Variants in GSTA3 observed in about 807,000 individuals in gnomAD.
The protein encoded by GSTA3 is glutathione S-transferase A3.
A neutral mutation model predicts 23.1 loss-of-function variants in GSTA3; 16 were observed. The observed-to-expected ratio is 0.69, with a 90% CI of 0.47 to 1.05. The LOEUF (loss-of-function observed/expected upper bound fraction) is 1.05, where lower values mean the gene tolerates loss of function less well. Among genes scored for constraint, GSTA3 ranks in the 50% least tolerant of loss-of-function variants. The pLI is 0.00. For missense variants in GSTA3, 319 were observed against 263.6 expected, an observed-to-expected ratio of 1.21 and a Z score of -1.46; for synonymous variants, 122 against 91.0, an observed-to-expected ratio of 1.34 and a Z score of -1.94.
At chr6:52,903,139 C>A (rs1004784355) in intron 3 of GSTA3, among the ~76,000 whole-genome samples, 2 of 152,084 alleles carry the variant, frequency 1.3e-5, no homozygotes, top group Admixed American at 1.3e-4. Flanking sequence ...GGGGATGGTT[C>A]CTCTAGCAGA....
At chr6:52,900,713 G>A (rs1012011113) in intron 4 of GSTA3, among the ~76,000 whole-genome samples, 7 of 152,292 alleles carry the variant, frequency 4.6e-5, no homozygotes, top group East Asian at 1.9e-4. Flanking sequence ...AGTACCCACC[G>A]ATGCTGTGCC....
rs765942843 is a variant in GSTA3, at chr6:52,902,493, A to G, written c.140-15T>C. 1.5e-4 allele frequency: 230 copies of G among 1,583,408 alleles called. No individual in the cohort carries two copies. Among genetic ancestry groups the G allele is most frequent in the Non-Finnish European group, 1.6e-4 (192 of 1,164,016 alleles). ...CAAACTCCCATCTTTAGAAAGAAGG[A>G]AAAAAAAGGAACATGAAATTTCTAT... On this transcript the variant is annotated splice_polypyrimidine_tract_variant and intron_variant, in intron 3 of 6. Coordinates refer to ENST00000211122, the MANE Select transcript of GSTA3 (RefSeq NM_000847.5).
At chr6:52,904,341 G>C (rs1439600013) in intron 2 of GSTA3, among the ~76,000 whole-genome samples, 1 of 152,096 alleles carries the variant, frequency 6.6e-6, no homozygotes, top group Non-Finnish European at 1.5e-5. Context: ...TCCATGATTA[G>C]GGAGGGAACG....
At chr6:52,906,680 T>A (rs1395280854) in intron 1 of GSTA3, among the ~76,000 whole-genome samples, 1 of 151,880 alleles carries the variant, frequency 6.6e-6, no homozygotes, top group African/African-American at 2.4e-5. Flanking sequence ...CTATCTGATC[T>A]TTGACAAACC....
At chr6:52,909,116 T>A (rs1765986937) in intron 1 of GSTA3, among the ~76,000 whole-genome samples, 2 of 152,204 alleles carry the variant, frequency 1.3e-5, no homozygotes, top group Non-Finnish European at 2.9e-5. Flanking sequence ...GAAGTGTAAA[T>A]TTAGATCCTG....
chr6:52,904,118 C>G (rs921297113), intron 2 of GSTA3, among the ~76,000 whole-genome samples: 2 of 152,126 alleles, frequency 1.3e-5, no homozygotes, highest in African/African-American at 4.8e-5. Flanking sequence ...ACCTGAGTAG[C>G]TGGGACTATA....
chr6:52,896,966 G>T, intron 6 of GSTA3, 38 bp from the exon 7 acceptor site: 3 of 1,611,548 alleles, frequency 1.9e-6, no homozygotes, highest in Non-Finnish European at 2.5e-6. Flanking sequence ...GTGAAGCCAA[G>T]GTCTGCCACC....
intron 4 of GSTA3, among the ~76,000 whole-genome samples, chr6:52,901,231 T>G (rs1043392155): frequency 5.3e-5 from 8 of 152,230 alleles, no homozygotes; most frequent in African/African-American, 1.7e-4. Context: ...TTCTAGAATA[T>G]TTTTATCACC....
rs200730672 is a variant in GSTA3, at chr6:52,897,992, C to T, written c.415-36G>A. The T allele has an allele frequency of 9.8e-5, 158 of 1,612,324 alleles. 1 individual carries two copies. In the South Asian group the frequency reaches 1.4e-3, roughly 14 times the overall value. Reference sequence around the variant, plus strand: ...TGAGGAATCAGATCAGGAATACATGCGCACCCAGGATGGGACCCCTGCTTC... The same window carrying T: ...TGAGGAATCAGATCAGGAATACATGTGCACCCAGGATGGGACCCCTGCTTC... On this transcript the variant is annotated intron_variant, in intron 5 of 6. Coordinates refer to ENST00000211122, the MANE Select transcript of GSTA3 (RefSeq NM_000847.5).
intron 4 of GSTA3, among the ~76,000 whole-genome samples, chr6:52,902,045 G>T (rs1381251768): frequency 1.3e-5 from 2 of 152,158 alleles, no homozygotes; most frequent in African/African-American, 2.4e-5. Context: ...CTGAAGGCTT[G>T]AGCACCTGGA....
intron 6 of GSTA3, among the ~76,000 whole-genome samples, chr6:52,897,272 T>C (rs1369412863): frequency 6.6e-6 from 1 of 152,086 alleles, no homozygotes; most frequent in Non-Finnish European, 1.5e-5. Flanking sequence ...GAAGTGAAAA[T>C]ATGGAGAAAT....
chr6:52,903,792 T>A (rs1765785872), intron 2 of GSTA3, 65 bp from the exon 3 acceptor site: 10 of 886,638 alleles, frequency 1.1e-5, no homozygotes, highest in Non-Finnish European at 7.5e-6. Flanking sequence ...ACTTGTGACC[T>A]TGAATGGCCT....
At position 52,900,030 on chromosome 6, in the gene GSTA3, G is replaced by A. The variant is rs769895834; in HGVS notation, c.318C>T (p.Ile106=). ...TEGMADLNEM[I]LLLPLCRPEE... The stretch of plus-strand genomic sequence containing the variant: ...CAGGTCGACATAAGGGCAGAAGAAG[G>A]ATCATTTCATTCAAATCTGCCATAC... Residue 106 remains isoleucine (I), a synonymous_variant, in exon 5 of 7, where the codon ATC becomes ATT. Transcript: ENST00000211122. 3.1e-6 allele frequency: 5 copies of A among 1,612,486 alleles called. No homozygotes were observed. Among genetic ancestry groups the A allele is most frequent in the Middle Eastern group, 1.7e-4 (1 of 6,060 alleles).
chr6:52,902,441 C>G lies in GSTA3; in HGVS notation c.177G>C (p.Glu59Asp), dbSNP rs756114913. ...SLMFQQVPMV[E>D]IDGMKLVQTR... ...TCTGTACCAACTTCATCCCATCAATCTCAACCATTGGTACTTGCTGGAACA... is the reference window on the plus strand; with the variant it reads ...TCTGTACCAACTTCATCCCATCAATGTCAACCATTGGTACTTGCTGGAACA... Residue 59 changes from glutamate to aspartate, a missense_variant, in exon 4 of 7, where the codon GAG becomes GAC. By Grantham distance (45) the Glu-to-Asp change is conservative (BLOSUM62 2). Transcript: ENST00000211122. The G allele has an allele frequency of 5.0e-6, 8 of 1,613,740 alleles. No individual in the cohort carries two copies. In the African/African-American group the frequency reaches 1.1e-4, roughly 22 times the overall value.
At chr6:52,900,639 T>C (rs1765650254) in intron 4 of GSTA3, among the ~76,000 whole-genome samples, 1 of 152,170 alleles carries the variant, frequency 6.6e-6, no homozygotes. Context: ...CAAATACAGG[T>C]ACAAAGAGCA....
At chr6:52,898,068 GGT>G in intron 5 of GSTA3, 112 bp from the exon 6 acceptor site, 1 of 1,203,974 alleles carries the variant, frequency 8.3e-7, no homozygotes, top group Non-Finnish European at 1.2e-6. Context: ...CTAACTGGAT[GGT>G]GTGAAGGTCC....
In GSTA3 at chr6:52,899,961, T is replaced by A. The variant is rs1408205779; in HGVS notation, c.387A>T (p.Lys129Asn). 1 of 1,613,966 alleles carries A rather than the reference T, an allele frequency of 6.2e-7. No individual in the cohort carries two copies. Among genetic ancestry groups the A allele is most frequent in the Non-Finnish European group, 8.5e-7 (1 of 1,179,982 alleles). The part of the protein sequence containing the change: ...AKIALIKEKT[K>N]SRYFPAFEKV... Reference sequence around the variant, plus strand: ...TTTCGAAGGCAGGGAAATAGCGACTTTTTGTTTTCTCTTTGATCAAGGCAA... The same window carrying A: ...TTTCGAAGGCAGGGAAATAGCGACTATTTGTTTTCTCTTTGATCAAGGCAA... The change falls in exon 5 of 7, where the codon AAA (lysine) becomes AAT (asparagine). Residue 129 changes from lysine to asparagine, a missense_variant. By Grantham distance (94) the Lys-to-Asn change is moderately conservative. Coordinates refer to ENST00000211122, the MANE Select transcript of GSTA3 (RefSeq NM_000847.5).
intron 1 of GSTA3, among the ~76,000 whole-genome samples, chr6:52,909,345 T>A (rs1765993309): frequency 6.6e-6 from 1 of 152,244 alleles, no homozygotes; most frequent in Non-Finnish European, 1.5e-5. Context: ...ATAAGCAACC[T>A]TTGGCATGTG....
At position 52,906,972 on chromosome 6, in the gene GSTA3, T is replaced by C. The variant is rs1161439007; in HGVS notation, c.-21-1117A>G. Among the ~76,000 whole-genome samples, 5 of 148,584 alleles carry C rather than the reference T, an allele frequency of 3.4e-5. No homozygotes were observed. In the South Asian group the frequency reaches 6.4e-4, roughly 19 times the overall value. On this transcript the variant is annotated intron_variant, in intron 1 of 6. Coordinates refer to ENST00000211122, the MANE Select transcript of GSTA3 (RefSeq NM_000847.5). ...GCCAAAATTGACAAATGGGATCTAA[T>C]TAAACTAAAGAGCTTCTGCACAGCA...
Sources: allele counts gnomAD v4.1 joint callset (sites outside exome capture counted in the v4.1 genomes callset), GRCh38; gene constraint gnomAD v4.1.1; transcripts MANE v1.5; gene names NCBI Gene and HGNC (gene_info 2026-07-23, HGNC 2026-07-21).